Variants in MAP2 observed in about 807,000 individuals in gnomAD.
The protein encoded by MAP2 is microtubule-associated protein 2.
In MAP2, 14 loss-of-function variants were observed where a neutral mutation model predicts 137.6. The observed-to-expected ratio is 0.10, with a 90% CI of 0.07 to 0.16. MAP2 has a LOEUF of 0.16. Among genes scored for constraint, MAP2 ranks in the 10% least tolerant of loss-of-function variants. The probability of loss-of-function intolerance (pLI) is 1.00; values close to 1 mark genes in which losing one functional copy is unlikely to be tolerated. For synonymous variants in MAP2, 786 were observed against 782.3 expected (o/e 1.00, Z -0.08); for missense variants, 2,088 against 2,191.5 (o/e 0.95, Z 0.94).
At chr2:209,585,342 G>A (rs1306472883) in intron 3 of MAP2, among the ~76,000 whole-genome samples, 1 of 151,616 alleles carries the variant, frequency 6.6e-6, no homozygotes, top group South Asian at 2.1e-4. Context: ...ACTGAAGAAT[G>A]AGAATAAAGA....
At chr2:209,471,154 T>A (rs1319407792) in intron 1 of MAP2, among the ~76,000 whole-genome samples, 1 of 152,158 alleles carries the variant, frequency 6.6e-6, no homozygotes. Context: ...AAATACACCA[T>A]GTTTCTCTTT....
intron 2 of MAP2, among the ~76,000 whole-genome samples, chr2:209,546,534 A>T (rs1211499959): frequency 6.6e-6 from 1 of 152,116 alleles, no homozygotes; most frequent in African/African-American, 2.4e-5. Flanking sequence ...TGCTTATAGG[A>T]TTTTTCATCT....
chr2:209,707,136 A>G (rs2063686357), intron 12 of MAP2, among the ~76,000 whole-genome samples: 1 of 152,158 alleles, frequency 6.6e-6, no homozygotes, highest in Admixed American at 6.6e-5. Context: ...TTATACTTGT[A>G]TTTGTTGCTA....
intron 1 of MAP2, among the ~76,000 whole-genome samples, chr2:209,458,274 A>G (rs1347083513): frequency 6.6e-6 from 1 of 152,154 alleles, no homozygotes; most frequent in Non-Finnish European, 1.5e-5. Flanking sequence ...CAGGCAACAC[A>G]GAGGGTCTGG....
At chr2:209,479,855 A>G (rs1003046239) in intron 1 of MAP2, among the ~76,000 whole-genome samples, 7 of 152,156 alleles carry the variant, frequency 4.6e-5, no homozygotes, top group African/African-American at 1.7e-4. Context: ...ATAGCCGAAC[A>G]TTTCAACTGT....
At chr2:209,581,401 T>C (rs1025319990) in intron 3 of MAP2, among the ~76,000 whole-genome samples, 2 of 152,164 alleles carry the variant, frequency 1.3e-5, no homozygotes, top group African/African-American at 4.8e-5. Context: ...ATTTCAGATA[T>C]TGAACAAAAG....
rs947594263 is a variant in MAP2, at chr2:209,624,257, A to T, written c.-106-796A>T. 4.6e-5 allele frequency among the ~76,000 whole-genome samples: 7 copies of T among 152,278 alleles called. No individual in the cohort carries two copies. In the East Asian group the frequency reaches 1.2e-3, roughly 25 times the overall value. On this transcript the variant is annotated intron_variant, in intron 3 of 15. Coordinates refer to ENST00000682079, the MANE Select transcript of MAP2 (RefSeq NM_001375505.1). ...CACTCTACCAGGAGTAAAATCACAC[A>T]GGTCCTGACAAAACGCATGGAGATA...
At chr2:209,596,903 A>G (rs553239233) in intron 3 of MAP2, among the ~76,000 whole-genome samples, 1 of 152,268 alleles carries the variant, frequency 6.6e-6, no homozygotes, top group South Asian at 2.1e-4. Context: ...CCCAGTACCT[A>G]TTATCTCTTT....
chr2:209,638,773 C>T (rs1309838895), intron 4 of MAP2, among the ~76,000 whole-genome samples: 1 of 152,112 alleles, frequency 6.6e-6, no homozygotes, highest in Non-Finnish European at 1.5e-5. Context: ...TTTTCAAACA[C>T]ATCTGCCTTT....
At chr2:209,603,175 A>G (rs2083489794) in intron 3 of MAP2, among the ~76,000 whole-genome samples, 1 of 152,152 alleles carries the variant, frequency 6.6e-6, no homozygotes, top group South Asian at 2.1e-4. Context: ...TGCCTGTCCA[A>G]ACTGACCTGA....
At chr2:209,677,851 T>C (rs1484955302) in intron 5 of MAP2, among the ~76,000 whole-genome samples, 6 of 151,988 alleles carry the variant, frequency 3.9e-5, no homozygotes, top group Admixed American at 3.9e-4. Context: ...ACTAGTTCTT[T>C]AGAAAGAGAC....
At chr2:209,555,509 G>T (rs1254881667) in intron 2 of MAP2, among the ~76,000 whole-genome samples, 1 of 152,030 alleles carries the variant, frequency 6.6e-6, no homozygotes, top group East Asian at 1.9e-4. Flanking sequence ...CTGGAGATAA[G>T]GTAAATTAGC....
intron 3 of MAP2, among the ~76,000 whole-genome samples, chr2:209,607,083 A>C (rs2085028608): frequency 6.6e-6 from 1 of 152,160 alleles, no homozygotes; most frequent in South Asian, 2.1e-4. Flanking sequence ...ACTCACCAAC[A>C]TGTTTCTATG....
chr2:209,698,822 C>A (rs1431376412), intron 10 of MAP2, among the ~76,000 whole-genome samples: 2 of 152,112 alleles, frequency 1.3e-5, no homozygotes, highest in African/African-American at 4.8e-5. Flanking sequence ...AACTTAGTAG[C>A]AAAATTGCTT....
intron 3 of MAP2, among the ~76,000 whole-genome samples, chr2:209,601,007 A>G (rs904509776): frequency 1.3e-5 from 2 of 152,190 alleles, no homozygotes; most frequent in Non-Finnish European, 2.9e-5. Flanking sequence ...GACTTCTCAC[A>G]ATGACAGCTG....
At chr2:209,524,703 A>G (rs754347034) in intron 2 of MAP2, among the ~76,000 whole-genome samples, 3 of 152,164 alleles carry the variant, frequency 2.0e-5, no homozygotes. Context: ...CCTTTTCATC[A>G]TTCATCCTCT....
intron 1 of MAP2, among the ~76,000 whole-genome samples, chr2:209,487,578 A>T (rs927611385): frequency 6.6e-6 from 1 of 152,228 alleles, no homozygotes; most frequent in African/African-American, 2.4e-5. Context: ...TAATGAGAAG[A>T]TGTTCCATGA....
intron 1 of MAP2, among the ~76,000 whole-genome samples, chr2:209,454,176 A>AGG (rs752495401): frequency 7.6e-6 from 1 of 132,386 alleles, no homozygotes; most frequent in African/African-American, 2.9e-5. Context: ...AAAAAAAAAA[A>AGG]GTAGAGGACA....
intron 3 of MAP2, among the ~76,000 whole-genome samples, chr2:209,616,466 C>T (rs1270158830): frequency 1.3e-5 from 2 of 152,176 alleles, no homozygotes; most frequent in Non-Finnish European, 2.9e-5. Flanking sequence ...CATTCATTAA[C>T]TCATTCATTA....
Sources: gnomAD v4.1 joint callset for allele counts (sites outside exome capture counted in the v4.1 genomes callset) on GRCh38, gnomAD v4.1.1 for gene constraint, MANE v1.5 for transcripts, NCBI Gene and HGNC (gene_info 2026-07-23, HGNC 2026-07-21) for gene names.